MED30: variants seen among roughly 807,000 people sequenced by gnomAD.
The protein encoded by MED30 is mediator complex subunit 30.
MED30 carries 8 observed loss-of-function variants against 21.7 expected under a neutral mutation model. That is an observed-to-expected ratio of 0.37 (90% CI 0.22 to 0.67). The LOEUF (loss-of-function observed/expected upper bound fraction) is 0.67, where lower values mean the gene tolerates loss of function less well. Among genes scored for constraint, MED30 ranks in the 30% least tolerant of loss-of-function variants. MED30 has a pLI of 0.58. For missense variants in MED30, 203 were observed against 228.2 expected (o/e 0.89, Z 0.71); for synonymous variants, 79 against 86.7 (o/e 0.91, Z 0.49).
intron 1 of MED30, 44 bp from the exon 2 acceptor site, chr8:117,528,607 T>G: frequency 2.0e-6 from 3 of 1,500,912 alleles, no homozygotes; most frequent in Non-Finnish European, 2.7e-6. Flanking sequence ...TCTTGATTTT[T>G]TTTTCATTAC....
chr8:117,531,228 T>A (rs1818788329), intron 3 of MED30, among the ~76,000 whole-genome samples: 2 of 152,040 alleles, frequency 1.3e-5, no homozygotes, highest in African/African-American at 2.4e-5. Flanking sequence ...CATTATTATC[T>A]ACTCCAACCC....
At chr8:117,525,161 A>G (rs560486453) in intron 1 of MED30, among the ~76,000 whole-genome samples, 30 of 151,640 alleles carry the variant, frequency 2.0e-4, no homozygotes, top group African/African-American at 6.8e-4. Context: ...AATTTATGCT[A>G]CGGCCTAAGA....
intron 1 of MED30, among the ~76,000 whole-genome samples, chr8:117,526,166 G>A (rs1376124232): frequency 6.6e-6 from 1 of 151,946 alleles, no homozygotes; most frequent in Non-Finnish European, 1.5e-5. Context: ...GATGAAAACA[G>A]AGCTATTGCT....
intron 1 of MED30, among the ~76,000 whole-genome samples, chr8:117,527,598 C>T (rs1376752756): frequency 6.7e-6 from 1 of 149,768 alleles, no homozygotes; most frequent in African/African-American, 2.4e-5. Flanking sequence ...GTTTACTTTT[C>T]ACTCCAAACA....
intron 3 of MED30, among the ~76,000 whole-genome samples, chr8:117,534,626 T>G (rs2130817344): frequency 6.6e-6 from 1 of 152,282 alleles, no homozygotes; most frequent in South Asian, 2.1e-4. Flanking sequence ...TAAAAGACAA[T>G]TTAGAGGTAA....
chr8:117,539,374 T>C (rs7007867), intron 3 of MED30, among the ~76,000 whole-genome samples: 87,754 of 151,822 alleles, frequency 0.58, 25,666 homozygotes, highest in African/African-American at 0.65. Context: ...CCTGTAATTC[T>C]AGCTACTCAG....
rs866102217 is a variant in MED30 at position 117,522,637 on chromosome 8, T to C, written c.177+1584T>C. On this transcript the variant is annotated intron_variant, in intron 1 of 3. Coordinates refer to ENST00000297347, the MANE Select transcript of MED30 (RefSeq NM_080651.4). Reference sequence around the variant, plus strand: ...GTGTCCAAAAAAGTGTTTTATTGCTTTTTTTTTTTTTAACTGGTCAAGACT... The same window carrying C: ...GTGTCCAAAAAAGTGTTTTATTGCTCTTTTTTTTTTTAACTGGTCAAGACT... Among the ~76,000 whole-genome samples the C allele has an allele frequency of 9.8e-3, 1,407 of 143,006 alleles. 21 individuals are homozygous for C. Among genetic ancestry groups the C allele is most frequent in the African/African-American group, 0.034 (1,278 of 37,124 alleles). 93.8% of individuals were successfully genotyped at this position (143,006 alleles called of 152,430 possible).
intron 3 of MED30, among the ~76,000 whole-genome samples, chr8:117,535,703 T>C (rs1818868677): frequency 6.6e-6 from 1 of 152,162 alleles, no homozygotes; most frequent in Admixed American, 6.5e-5. Context: ...ATTCATAAAC[T>C]TAAGTTTTTG....
In MED30 at chr8:117,520,903, G is replaced by A. The variant is rs1318354545; in HGVS notation, c.27G>A (p.Ser9=). Residue 9 remains serine, a synonymous_variant, in exon 1 of 4, where the codon TCG becomes TCA. Transcript: ENST00000297347. The part of the protein sequence containing the change: MSTPPLAA[S]GMAPGPFAGP... ...TGTCCACCCCTCCGTTGGCCGCGTC[G>A]GGGATGGCGCCCGGGCCCTTCGCCG... The A allele has an allele frequency of 6.2e-7, 1 of 1,606,778 alleles. No homozygotes were observed. Among genetic ancestry groups the A allele is most frequent in the Non-Finnish European group, 8.5e-7 (1 of 1,176,984 alleles).
chr8:117,539,215 C>T (rs891919219), intron 3 of MED30, among the ~76,000 whole-genome samples: 1 of 152,034 alleles, frequency 6.6e-6, no homozygotes, highest in Non-Finnish European at 1.5e-5. Context: ...AGGATCTGGC[C>T]GGGTGTGATG....
intron 3 of MED30, among the ~76,000 whole-genome samples, chr8:117,531,488 A>G (rs2130815085): frequency 6.6e-6 from 1 of 152,036 alleles, no homozygotes; most frequent in South Asian, 2.1e-4. Flanking sequence ...AATTAATAGA[A>G]CTCATCAGTG....
chr8:117,531,449 G>T (rs1248933100), intron 3 of MED30, among the ~76,000 whole-genome samples: 1 of 151,956 alleles, frequency 6.6e-6, no homozygotes, highest in Non-Finnish European at 1.5e-5. Flanking sequence ...GACAAATATA[G>T]ATTGCCCCTT....
At chr8:117,521,171 G>A in intron 1 of MED30, 118 bp downstream of exon 1, 1 of 944,790 alleles carries the variant, frequency 1.1e-6, no homozygotes, top group Non-Finnish European at 1.5e-6. Flanking sequence ...AACCTTAGGT[G>A]TAGGGTCTCC....
chr8:117,535,052 A>G (rs1313948728), intron 3 of MED30, among the ~76,000 whole-genome samples: 3 of 151,944 alleles, frequency 2.0e-5, no homozygotes, highest in Non-Finnish European at 4.4e-5. Flanking sequence ...CTTTCTCCAT[A>G]TGAGGATTTA....
At position 117,521,725 on chromosome 8, in the gene MED30, C is replaced by G. The variant is rs981578105; in HGVS notation, c.177+672C>G. 4.6e-5 allele frequency among the ~76,000 whole-genome samples: 7 copies of G among 151,850 alleles called. 1 individual carries two copies. The highest frequency in any genetic ancestry group is 4.6e-4 in the Admixed American group (7 of 15,272). ...GTGGGCTTTTTTTTTTGTCTGAGATCCTTCACTAAGAATGCATCAATAATT... is the reference window on the plus strand; with the variant it reads ...GTGGGCTTTTTTTTTTGTCTGAGATGCTTCACTAAGAATGCATCAATAATT... On this transcript the variant is annotated intron_variant, in intron 1 of 3. Coordinates refer to ENST00000297347, the MANE Select transcript of MED30 (RefSeq NM_080651.4).
intron 1 of MED30, chr8:117,523,122 G>A (rs1563787841): frequency 1.6e-5 from 9 of 571,148 alleles, no homozygotes; most frequent in East Asian, 3.1e-5. Context: ...CATGTTCTAC[G>A]CAGAACTAAA....
In MED30 at chr8:117,521,006, A is replaced by T; in HGVS notation, c.130A>T (p.Ile44Phe). Reference sequence around the variant, plus strand: ...CATCGGGCAGGAGACAGTGCAGGACATCGTGTACCGCACCATGGAGATCTT... The same window carrying T: ...CATCGGGCAGGAGACAGTGCAGGACTTCGTGTACCGCACCATGGAGATCTT... ...CRIGQETVQD[I>F]VYRTMEIFQL... The change falls in exon 1 of 4, where the codon ATC becomes TTC. Residue 44 changes from isoleucine to phenylalanine, a missense_variant. Coordinates refer to ENST00000297347, the MANE Select transcript of MED30 (RefSeq NM_080651.4). The T allele has an allele frequency of 6.2e-7, 1 of 1,607,582 alleles. No homozygotes were observed. Among genetic ancestry groups the T allele is most frequent in the Non-Finnish European group, 8.5e-7 (1 of 1,176,234 alleles).
chr8:117,528,611 T>C (rs1275509687), intron 1 of MED30, 40 bp from the exon 2 acceptor site: 2 of 1,506,470 alleles, frequency 1.3e-6, no homozygotes, highest in Admixed American at 4.8e-5. Flanking sequence ...GATTTTTTTT[T>C]CATTACTTGA....
chr8:117,536,418 TTC>T (rs1482698952), intron 3 of MED30, among the ~76,000 whole-genome samples: 1 of 152,232 alleles, frequency 6.6e-6, no homozygotes, highest in Non-Finnish European at 1.5e-5. Context: ...AATATTTTCT[TTC>T]TTTCTAAATA....
Sources: allele counts gnomAD v4.1 joint callset (sites outside exome capture counted in the v4.1 genomes callset), GRCh38; gene constraint gnomAD v4.1.1; transcripts MANE v1.5; gene names NCBI Gene and HGNC (gene_info 2026-07-23, HGNC 2026-07-21).